Variants in RNF13 observed in about 807,000 individuals in gnomAD.
RNF13 encodes E3 ubiquitin-protein ligase RNF13.
Under a neutral mutation model 37.7 loss-of-function variants are expected in RNF13, and 19 were observed. The ratio of observed to expected loss-of-function variants is 0.50; its 90% CI spans 0.35 to 0.74. The LOEUF is 0.74. Ranked by LOEUF, RNF13 falls within the 30% of genes least tolerant of loss-of-function variation. RNF13 has a pLI of 0.01. For synonymous variants in RNF13, 144 were observed against 157.8 expected (o/e 0.91, Z 0.65); for missense variants, 375 against 453.0 (o/e 0.83, Z 1.56).
At chr3:149,864,421 A>G (rs1724593053) in intron 3 of RNF13, among the ~76,000 whole-genome samples, 1 of 152,076 alleles carries the variant, frequency 6.6e-6, no homozygotes, top group Non-Finnish European at 1.5e-5. Context: ...CTGCAGAACT[A>G]TGAGCCAAAT....
chr3:149,903,653 C>T (rs147793854), intron 6 of RNF13, among the ~76,000 whole-genome samples: 24 of 152,196 alleles, frequency 1.6e-4, no homozygotes, highest in African/African-American at 5.8e-4. Flanking sequence ...ACTCTCTTAT[C>T]CCACCTCTTG....
intron 4 of RNF13, among the ~76,000 whole-genome samples, chr3:149,890,308 A>G (rs1025098365): frequency 2.0e-5 from 3 of 152,184 alleles, no homozygotes; most frequent in African/African-American, 4.8e-5. Context: ...CCCTTATTCA[A>G]GTGCCTACTG....
At chr3:149,827,630 C>T (rs1720636489) in intron 1 of RNF13, among the ~76,000 whole-genome samples, 2 of 151,926 alleles carry the variant, frequency 1.3e-5, no homozygotes. Flanking sequence ...CAAAGCTGAA[C>T]ACTAAACAAT....
intron 6 of RNF13, among the ~76,000 whole-genome samples, chr3:149,908,281 G>A (rs961823329): frequency 1.3e-5 from 2 of 152,166 alleles, no homozygotes; most frequent in African/African-American, 4.8e-5. Context: ...TGGAGGGATT[G>A]CTGGGGTGTG....
At chr3:149,860,355 A>G (rs1724135660) in intron 3 of RNF13, among the ~76,000 whole-genome samples, 1 of 149,456 alleles carries the variant, frequency 6.7e-6, no homozygotes, top group Non-Finnish European at 1.5e-5. Flanking sequence ...TATACATATT[A>G]TGCACACACA....
At chr3:149,899,967 A>G (rs1428067075) in intron 5 of RNF13, among the ~76,000 whole-genome samples, 1 of 152,198 alleles carries the variant, frequency 6.6e-6, no homozygotes, top group African/African-American at 2.4e-5. Flanking sequence ...TTCAAATTGT[A>G]ATCTATCTTT....
chr3:149,912,292 G>T (rs73870475), intron 7 of RNF13, among the ~76,000 whole-genome samples: 4,461 of 152,196 alleles, frequency 0.029, 75 homozygotes, highest in South Asian at 0.037. Flanking sequence ...TTAGAGAGAA[G>T]TGATCGATTT....
At chr3:149,885,568 T>C (rs1713931162) in intron 4 of RNF13, among the ~76,000 whole-genome samples, 1 of 152,240 alleles carries the variant, frequency 6.6e-6, no homozygotes, top group African/African-American at 2.4e-5. Flanking sequence ...GCCCATTTAT[T>C]AATTGGATTA....
intron 7 of RNF13, among the ~76,000 whole-genome samples, chr3:149,914,581 C>T (rs1003186250): frequency 2.6e-5 from 4 of 152,058 alleles, no homozygotes; most frequent in African/African-American, 9.7e-5. Flanking sequence ...AGAATATAGA[C>T]TAAAAACTTA....
In RNF13 at chr3:149,961,085, A is replaced by G. The variant is rs1189801065; in HGVS notation, c.1127A>G (p.Asn376Ser). The change falls in exon 10 of 10, where the codon AAC (asparagine) becomes AGC (serine). Residue 376 changes from asparagine (N) to serine (S), a missense_variant. By Grantham distance (46) the Asn-to-Ser change is conservative. Coordinates refer to ENST00000392894, the MANE Select transcript of RNF13 (RefSeq NM_183381.3). ...CAGCCTAATGGTGAACGGGATTACAACATAGCAAATACTGTTTGACTTTCA... is the reference window on the plus strand; with the variant it reads ...CAGCCTAATGGTGAACGGGATTACAGCATAGCAAATACTGTTTGACTTTCA... ...QLQPNGERDY[N>S]IANTV 6.2e-7 allele frequency: 1 copy of G among 1,610,172 alleles called. No individual in the cohort carries two copies. Among genetic ancestry groups the G allele is most frequent in the Non-Finnish European group, 8.5e-7 (1 of 1,177,602 alleles).
At chr3:149,832,492 A>G (rs763796420) in intron 1 of RNF13, among the ~76,000 whole-genome samples, 8 of 152,210 alleles carry the variant, frequency 5.3e-5, no homozygotes, top group Non-Finnish European at 1.2e-4. Context: ...GCATTAGACA[A>G]GTAACTGTCA....
chr3:149,867,265 CT>C (rs1159571067), intron 3 of RNF13, among the ~76,000 whole-genome samples: 6 of 148,154 alleles, frequency 4.0e-5, no homozygotes, highest in African/African-American at 7.4e-5. Context: ...TTCCTTGTCT[CT>C]TTTTTTTTTC....
Position 149,846,137 on chromosome 3 carries a change from A to G in RNF13, c.111A>G (p.Leu37=). 1 of 1,588,264 alleles carries G rather than the reference A, an allele frequency of 6.3e-7. No individual in the cohort carries two copies. Among genetic ancestry groups the G allele is most frequent in the Non-Finnish European group, 8.6e-7 (1 of 1,156,850 alleles). ...TACTGCCTGTAGAAGCAGACATTTT[A>G]GCAGTAAGTACAGTAAAATTTATTC... ...LNLLPVEADI[L]AYNFENASQT... The change falls in exon 2 of 10, where the codon TTA becomes TTG. Residue 37 remains leucine, a synonymous_variant. Coordinates refer to ENST00000392894, the MANE Select transcript of RNF13 (RefSeq NM_183381.3).
At chr3:149,893,802 C>T (rs920344045) in intron 4 of RNF13, 2 of 152,146 alleles carry the variant, frequency 1.3e-5, no homozygotes, top group African/African-American at 4.8e-5. Context: ...AAATGCTAAA[C>T]TTACTTTTTT....
chr3:149,948,622 TAAAA>T (rs1202391299), intron 8 of RNF13, among the ~76,000 whole-genome samples: 1 of 152,242 alleles, frequency 6.6e-6, no homozygotes, highest in Non-Finnish European at 1.5e-5. Flanking sequence ...CAATCACATA[TAAAA>T]ACCATGATCC....
At chr3:149,868,113 A>T (rs1033453962) in intron 3 of RNF13, among the ~76,000 whole-genome samples, 1 of 151,772 alleles carries the variant, frequency 6.6e-6, no homozygotes, top group Non-Finnish European at 1.5e-5. Context: ...CAGTTCACAT[A>T]TTTTTATATT....
chr3:149,859,907 A>G (rs532643857), intron 3 of RNF13, among the ~76,000 whole-genome samples: 2 of 152,224 alleles, frequency 1.3e-5, no homozygotes, highest in South Asian at 4.1e-4. Flanking sequence ...AAAGACCTCA[A>G]ATAACCAAAG....
chr3:149,814,855 T>G (rs1302847441), intron 1 of RNF13, among the ~76,000 whole-genome samples: 1 of 152,202 alleles, frequency 6.6e-6, no homozygotes, highest in East Asian at 1.9e-4. Flanking sequence ...TTACATAATT[T>G]TTTTTTGTTT....
chr3:149,948,925 G>T (rs1041261568), intron 8 of RNF13, among the ~76,000 whole-genome samples: 55 of 152,120 alleles, frequency 3.6e-4, no homozygotes, highest in African/African-American at 1.3e-3. Context: ...CTACTTGGGG[G>T]ACTGAGGCAA....
Sources: gnomAD v4.1 joint callset for allele counts (sites outside exome capture counted in the v4.1 genomes callset) on GRCh38, gnomAD v4.1.1 for gene constraint, MANE v1.5 for transcripts, NCBI Gene and HGNC (gene_info 2026-07-23, HGNC 2026-07-21) for gene names.